The following PTPRD variants were observed in gnomAD, a reference collection of about 807,000 sequenced individuals.
The protein encoded by PTPRD is protein tyrosine phosphatase receptor type D.
PTPRD carries 34 observed loss-of-function variants against 214.5 expected under a neutral mutation model. The ratio of observed to expected loss-of-function variants is 0.16; its 90% confidence interval spans 0.12 to 0.21. The LOEUF (loss-of-function observed/expected upper bound fraction) is 0.21, where lower values mean the gene tolerates loss of function less well. Ranked by LOEUF, PTPRD falls within the 10% of genes least tolerant of loss-of-function variation. The probability of loss-of-function intolerance (pLI) is 1.00; values close to 1 mark genes in which losing one functional copy is unlikely to be tolerated. For missense variants in PTPRD, 2,545 were observed against 2,398.7 expected (o/e 1.06, Z -1.27); for synonymous variants, 1,128 against 845.7 (o/e 1.33, Z -5.79).
At chr9:9,816,343 C>CA (rs2048766167) in intron 5 of PTPRD, among the ~76,000 whole-genome samples, 1 of 151,828 alleles carries the variant, frequency 6.6e-6, no homozygotes, top group Admixed American at 6.6e-5. Context: ...TTAAAACAAA[C>CA]AAAAATCATC....
intron 14 of PTPRD, among the ~76,000 whole-genome samples, chr9:8,596,434 T>C (rs1337858969): frequency 6.6e-6 from 1 of 152,000 alleles, no homozygotes; most frequent in African/African-American, 2.4e-5. Context: ...TAAACAAATG[T>C]AAATTACATT....
rs1398760615 is a variant in PTPRD at position 8,858,493 on chromosome 9, A to G, written c.-103-124547T>C. The stretch of plus-strand genomic sequence containing the variant: ...AGAAGAGGTGGTTTGGGGAGGGGGG[A>G]AAATTAAACGAAAAAGCCCAGGAAA... On this transcript the variant is annotated intron_variant, in intron 11 of 45. Transcript: ENST00000381196. Among the ~76,000 whole-genome samples, 10 of 151,684 alleles carry G rather than the reference A, an allele frequency of 6.6e-5. No individual in the cohort carries two copies. In the South Asian group the frequency reaches 1.7e-3, roughly 25 times the overall value.
intron 8 of PTPRD, among the ~76,000 whole-genome samples, chr9:9,558,250 G>A (rs186983249): frequency 2.1e-4 from 32 of 152,286 alleles, no homozygotes; most frequent in African/African-American, 7.5e-4. Context: ...AGACAATAGT[G>A]GCACAGAGCC....
chr9:9,507,041 C>T (rs2096586474), intron 8 of PTPRD, among the ~76,000 whole-genome samples: 1 of 151,406 alleles, frequency 6.6e-6, no homozygotes, highest in East Asian at 1.9e-4. Context: ...TCAAACAATA[C>T]ATATATGAAA....
At chr9:9,384,931 T>G (rs2063440650) in intron 9 of PTPRD, among the ~76,000 whole-genome samples, 1 of 152,138 alleles carries the variant, frequency 6.6e-6, no homozygotes, top group Non-Finnish European at 1.5e-5. Flanking sequence ...GTTCATAGTA[T>G]CTCTCATAAT....
chr9:9,419,654 G>T (rs925880931), intron 8 of PTPRD, among the ~76,000 whole-genome samples: 1 of 151,602 alleles, frequency 6.6e-6, no homozygotes, highest in African/African-American at 2.4e-5. Flanking sequence ...ATAAAACCCA[G>T]TTTATTAGTT....
At chr9:10,133,493 C>T (rs756223618) in intron 3 of PTPRD, among the ~76,000 whole-genome samples, 2 of 151,844 alleles carry the variant, frequency 1.3e-5, no homozygotes, top group South Asian at 2.1e-4. Flanking sequence ...TATACCTGTA[C>T]GTTATATATA....
At chr9:9,569,258 T>C (rs778916136) in intron 8 of PTPRD, among the ~76,000 whole-genome samples, 33 of 150,544 alleles carry the variant, frequency 2.2e-4, no homozygotes, top group African/African-American at 7.6e-4. Context: ...AATGGCACAA[T>C]AATTTCTACA....
At chr9:9,771,971 G>T (rs1375117091) in intron 5 of PTPRD, among the ~76,000 whole-genome samples, 1 of 152,060 alleles carries the variant, frequency 6.6e-6, no homozygotes, top group African/African-American at 2.4e-5. Flanking sequence ...TACATTTTAA[G>T]AAGAAACTAG....
At chr9:10,309,302 T>G (rs975882771) in intron 3 of PTPRD, among the ~76,000 whole-genome samples, 1 of 152,004 alleles carries the variant, frequency 6.6e-6, no homozygotes, top group African/African-American at 2.4e-5. Flanking sequence ...TCATAAATAC[T>G]ATTCCTTTGA....
At chr9:8,430,414 G>T (rs2094963747) in intron 35 of PTPRD, among the ~76,000 whole-genome samples, 1 of 150,976 alleles carries the variant, frequency 6.6e-6, no homozygotes, top group Admixed American at 6.6e-5. Flanking sequence ...GGGACTACAG[G>T]TGCATGCCAC....
chr9:9,270,747 A>C (rs990938963), intron 9 of PTPRD, among the ~76,000 whole-genome samples: 1 of 151,462 alleles, frequency 6.6e-6, no homozygotes, highest in East Asian at 2.0e-4. Flanking sequence ...TAGAGAGAGC[A>C]CTTTGACATG....
intron 3 of PTPRD, among the ~76,000 whole-genome samples, chr9:10,234,708 A>T (rs1447443464): frequency 9.2e-5 from 14 of 151,956 alleles, no homozygotes; most frequent in Admixed American, 9.2e-4. Context: ...ATAAGTGATC[A>T]AACTCTTTAA....
chr9:9,260,428 C>T (rs1014353650), intron 9 of PTPRD, among the ~76,000 whole-genome samples: 2 of 151,842 alleles, frequency 1.3e-5, no homozygotes, highest in African/African-American at 4.8e-5. Flanking sequence ...TTTACCTTTG[C>T]TTGAGGGAAA....
At chr9:9,895,488 T>A (rs1345499857) in intron 5 of PTPRD, among the ~76,000 whole-genome samples, 2 of 152,070 alleles carry the variant, frequency 1.3e-5, no homozygotes, top group African/African-American at 4.8e-5. Flanking sequence ...AATTTTTAAG[T>A]AATTTTTCAA....
intron 2 of PTPRD, among the ~76,000 whole-genome samples, chr9:10,422,534 G>T (rs535649884): frequency 6.6e-6 from 1 of 151,994 alleles, no homozygotes; most frequent in Admixed American, 6.6e-5. Context: ...CTACAGAATG[G>T]GAGAAAATTT....
At chr9:9,146,535 T>C (rs1156424415) in intron 10 of PTPRD, among the ~76,000 whole-genome samples, 1 of 152,170 alleles carries the variant, frequency 6.6e-6, no homozygotes, top group African/African-American at 2.4e-5. Flanking sequence ...TTTTCTTTTT[T>C]TGATTAGGGC....
intron 3 of PTPRD, among the ~76,000 whole-genome samples, chr9:10,248,699 G>C (rs1290539694): frequency 6.6e-6 from 1 of 152,010 alleles, no homozygotes; most frequent in African/African-American, 2.4e-5. Flanking sequence ...GAGTTCTTTA[G>C]AATACACTTT....
At chr9:9,371,644 C>A (rs2059527183) in intron 9 of PTPRD, among the ~76,000 whole-genome samples, 1 of 151,952 alleles carries the variant, frequency 6.6e-6, no homozygotes. Flanking sequence ...TTATTTCTTG[C>A]CTTCTGCTAG....
Sources: allele counts gnomAD v4.1 joint callset (sites outside exome capture counted in the v4.1 genomes callset), GRCh38; gene constraint gnomAD v4.1.1; transcripts MANE v1.5; gene names NCBI Gene and HGNC (gene_info 2026-07-23, HGNC 2026-07-21).